NDUFAF2: variants seen among roughly 807,000 people sequenced by gnomAD.
NDUFAF2 encodes the protein NADH:ubiquinone oxidoreductase complex assembly factor 2.
Under a neutral mutation model 22.8 loss-of-function variants are expected in NDUFAF2, and 13 were observed. The ratio of observed to expected loss-of-function variants is 0.57; its 90% CI spans 0.37 to 0.91. NDUFAF2 has a LOEUF of 0.91. Among genes scored for constraint, NDUFAF2 ranks in the 40% least tolerant of loss-of-function variants. The pLI is 0.01. For synonymous variants in NDUFAF2, 53 were observed against 64.2 expected (o/e 0.83, Z 0.84); for missense variants, 162 against 195.2 (o/e 0.83, Z 1.01).
rs553563553 is a variant in NDUFAF2, at chr5:60,969,300, A to G, written c.127+23918A>G. On this transcript the variant is annotated intron_variant, in intron 1 of 3. Transcript: ENST00000296597. The stretch of plus-strand genomic sequence containing the variant: ...GAGGAAACTCCAAACTGTTATCCAC[A>G]GTGATTGTACTAATTTACATTTCTA... 2.6e-3 allele frequency among the ~76,000 whole-genome samples: 401 copies of G among 152,236 alleles called. 3 individuals are homozygous for G. The highest frequency in any genetic ancestry group is 9.4e-3 in the African/African-American group (390 of 41,580).
chr5:61,062,935 TAAG>T (rs1752183757), intron 1 of NDUFAF2, among the ~76,000 whole-genome samples: 2 of 152,212 alleles, frequency 1.3e-5, no homozygotes, highest in African/African-American at 4.8e-5. Flanking sequence ...AACTGACAGT[TAAG>T]AATACTATAC....
At chr5:61,015,534 G>A (rs768874856) in intron 1 of NDUFAF2, among the ~76,000 whole-genome samples, 24 of 152,114 alleles carry the variant, frequency 1.6e-4, no homozygotes, top group African/African-American at 3.9e-4. Flanking sequence ...CTCTCACCTC[G>A]GCCTCCCAAA....
At chr5:61,036,166 T>G (rs975044668) in intron 1 of NDUFAF2, among the ~76,000 whole-genome samples, 33 of 152,226 alleles carry the variant, frequency 2.2e-4, no homozygotes, top group African/African-American at 7.5e-4. Flanking sequence ...CTTGTTCCAC[T>G]GGCCAGACCC....
At chr5:61,123,842 A>T (rs1460248695) in intron 3 of NDUFAF2, among the ~76,000 whole-genome samples, 1 of 152,162 alleles carries the variant, frequency 6.6e-6, no homozygotes, top group Non-Finnish European at 1.5e-5. Context: ...CTTTATAAAC[A>T]TATTGTATGA....
In NDUFAF2 at chr5:60,963,040, C is replaced by T. The variant is rs191614433; in HGVS notation, c.127+17658C>T. Among the ~76,000 whole-genome samples, 835 of 151,856 alleles carry T rather than the reference C, an allele frequency of 5.5e-3. 2 individuals are homozygous for T. Among genetic ancestry groups the T allele is most frequent in the South Asian group, 0.012 (58 of 4,804 alleles). ...AGTTGGAACTACAGGCACGTGCCACCATGCCTGGCTAATTTTTGTATTTTT... is the reference window on the plus strand; with the variant it reads ...AGTTGGAACTACAGGCACGTGCCACTATGCCTGGCTAATTTTTGTATTTTT... On this transcript the variant is annotated intron_variant, in intron 1 of 3. Transcript: ENST00000296597.
At position 60,971,271 on chromosome 5, in the gene NDUFAF2, C is replaced by CTT. The variant is rs1750823641; in HGVS notation, c.127+25894_127+25895dup. On this transcript the variant is annotated intron_variant, in intron 1 of 3. Coordinates refer to ENST00000296597, the MANE Select transcript of NDUFAF2 (RefSeq NM_174889.5). ...AACTTGTCATTTACATTAGATATAT[C>CTT]TTTTTTCTTTCTTTCTTTTTTTTTT... Among the ~76,000 whole-genome samples the CTT allele has an allele frequency of 2.8e-5, 4 of 145,008 alleles. 1 individual carries two copies. The South Asian group carries it at 8.9e-4, about 32-fold the overall frequency.
chr5:61,107,050 C>CACACACAT (rs1561566908), intron 3 of NDUFAF2, among the ~76,000 whole-genome samples: 1 of 109,334 alleles, frequency 9.1e-6, no homozygotes, highest in Non-Finnish European at 1.8e-5. Flanking sequence ...TAAATATACA[C>CACACACAT]ACACACACAC....
chr5:61,025,410 A>C (rs893333056), intron 1 of NDUFAF2, among the ~76,000 whole-genome samples: 2 of 152,156 alleles, frequency 1.3e-5, no homozygotes, highest in African/African-American at 2.4e-5. Context: ...AAAACAAGTT[A>C]GTATCTTGGA....
At chr5:60,986,959 A>T (rs144857273) in intron 1 of NDUFAF2, among the ~76,000 whole-genome samples, 3,644 of 151,282 alleles carry the variant, frequency 0.024, 72 homozygotes, top group Non-Finnish European at 0.041. Flanking sequence ...AAAAAAAGAA[A>T]CATGGAAAAC....
intron 1 of NDUFAF2, among the ~76,000 whole-genome samples, chr5:60,966,743 T>G (rs1315821139): frequency 6.6e-6 from 1 of 152,090 alleles, no homozygotes; most frequent in Admixed American, 6.5e-5. Flanking sequence ...TTTAGCTACT[T>G]TAGCCTTATA....
At chr5:61,099,328 T>G (rs1752679453) in intron 3 of NDUFAF2, among the ~76,000 whole-genome samples, 1 of 151,512 alleles carries the variant, frequency 6.6e-6, no homozygotes, top group Non-Finnish European at 1.5e-5. Context: ...CTTGGAGCAG[T>G]TTGCACCAGG....
rs548785328 is a variant in NDUFAF2 at position 61,082,100 on chromosome 5, C to T, written c.217+8886C>T. ...AAGATATAGCCTCAGCAGTAAATGA[C>T]CCACTTAATAAAAACAACGATTCAC... On this transcript the variant is annotated intron_variant, in intron 2 of 3. Transcript: ENST00000296597. 2.0e-5 allele frequency among the ~76,000 whole-genome samples: 3 copies of T among 152,242 alleles called. No homozygotes were observed. The East Asian group carries it at 5.8e-4, about 29-fold the overall frequency.
intron 3 of NDUFAF2, among the ~76,000 whole-genome samples, chr5:61,104,249 A>T (rs759017846): frequency 6.6e-6 from 1 of 152,124 alleles, no homozygotes; most frequent in Non-Finnish European, 1.5e-5. Context: ...TCCTAACTCT[A>T]TTCCATTAGA....
At chr5:61,118,976 ATTAG>A (rs1011025538) in intron 3 of NDUFAF2, among the ~76,000 whole-genome samples, 4 of 152,146 alleles carry the variant, frequency 2.6e-5, no homozygotes, top group African/African-American at 9.6e-5. Flanking sequence ...GGTGTATGTT[ATTAG>A]TTATGTTTAT....
chr5:61,144,817 T>C (rs1162324596), intron 3 of NDUFAF2, among the ~76,000 whole-genome samples: 3 of 152,248 alleles, frequency 2.0e-5, no homozygotes, highest in African/African-American at 7.2e-5. Flanking sequence ...TTTAGTTTTC[T>C]TTCTCTCTCC....
chr5:61,078,735 C>T (rs893475274), intron 2 of NDUFAF2, among the ~76,000 whole-genome samples: 2 of 151,392 alleles, frequency 1.3e-5, no homozygotes, highest in African/African-American at 2.4e-5. Flanking sequence ...AGTGAGACCC[C>T]GTCTCACAAG....
chr5:61,004,191 T>C (rs1751335959), intron 1 of NDUFAF2, among the ~76,000 whole-genome samples: 1 of 152,088 alleles, frequency 6.6e-6, no homozygotes, highest in Admixed American at 6.6e-5. Context: ...GTCTTATTTG[T>C]TTTTATTTTT....
chr5:61,114,600 A>T (rs1476412965), intron 3 of NDUFAF2: 1 of 152,188 alleles, frequency 6.6e-6, no homozygotes, highest in African/African-American at 2.4e-5. Flanking sequence ...GTGGACATTC[A>T]TCGGGTCTGG....
chr5:61,138,339 G>T (rs1740995441), intron 3 of NDUFAF2, among the ~76,000 whole-genome samples: 1 of 152,162 alleles, frequency 6.6e-6, no homozygotes. Flanking sequence ...AATTTTGAAG[G>T]AAGAATTGAT....
Sources: gnomAD v4.1 joint callset for allele counts (sites outside exome capture counted in the v4.1 genomes callset) on GRCh38, gnomAD v4.1.1 for gene constraint, MANE v1.5 for transcripts, NCBI Gene and HGNC (gene_info 2026-07-23, HGNC 2026-07-21) for gene names.